PCDH7: variants seen among roughly 807,000 people sequenced by gnomAD.
PCDH7 encodes the protein protocadherin-7.
A neutral mutation model predicts 58.9 loss-of-function variants in PCDH7; 17 were observed. The ratio of observed to expected loss-of-function variants is 0.29; its 90% CI spans 0.20 to 0.43. The LOEUF (loss-of-function observed/expected upper bound fraction) is 0.43. Ranked by LOEUF, PCDH7 falls within the 20% of genes least tolerant of loss-of-function variation. The probability of loss-of-function intolerance (pLI) is 1.00; values close to 1 mark genes in which losing one functional copy is unlikely to be tolerated. For synonymous variants in PCDH7, 664 were observed against 616.4 expected, an observed-to-expected ratio of 1.08 and a Z score of -1.14; for missense variants, 1,274 against 1,441.0, an observed-to-expected ratio of 0.88 and a Z score of 1.88.
chr4:30,724,040 T>C, exon 1 of PCDH7: 1 of 1,614,026 alleles, frequency 6.2e-7, no homozygotes, highest in Non-Finnish European at 8.5e-7. Flanking sequence ...AGCTATGAAA[T>C]TAGCAAACAG....
intron 3 of PCDH7, among the ~76,000 whole-genome samples, chr4:31,023,640 C>T (rs754011054): frequency 5.3e-5 from 8 of 152,098 alleles, no homozygotes; most frequent in Non-Finnish European, 7.4e-5. Context: ...CTATTCATTT[C>T]GCTGCTCTCC....
intron 1 of PCDH7, among the ~76,000 whole-genome samples, chr4:30,847,584 C>T (rs78165729): frequency 2.6e-5 from 4 of 152,068 alleles, no homozygotes; most frequent in Non-Finnish European, 5.9e-5. Context: ...ACCAAGTGAA[C>T]ATGGAATTTT....
chr4:30,840,914 A>G (rs183988593), intron 1 of PCDH7, among the ~76,000 whole-genome samples: 7 of 152,120 alleles, frequency 4.6e-5, no homozygotes, highest in Admixed American at 3.9e-4. Flanking sequence ...TGCAAAACCA[A>G]GAGTTTGCTT....
intron 1 of PCDH7, among the ~76,000 whole-genome samples, chr4:30,769,434 A>G (rs1191297588): frequency 1.3e-5 from 2 of 152,174 alleles, no homozygotes; most frequent in African/African-American, 2.4e-5. Flanking sequence ...TGGCATGCAT[A>G]TATTTATCCG....
In PCDH7 at chr4:30,789,161, C is replaced by G. The variant is rs114496911; in HGVS notation, c.70+64565C>G. 7.1e-3 allele frequency among the ~76,000 whole-genome samples: 1,085 copies of G among 152,212 alleles called. 13 individuals are homozygous for G. Among genetic ancestry groups the G allele is most frequent in the African/African-American group, 0.025 (1,039 of 41,546 alleles). ...CCCCCCCTAAGTTAATTGAAGCAAG[C>G]AGTACCCAAGTACAAAATCACTCAA... On this transcript the variant is annotated intron_variant, in intron 1 of 3. Transcript: ENST00000509759.
intron 3 of PCDH7, among the ~76,000 whole-genome samples, chr4:31,069,454 C>A (rs1758360708): frequency 6.6e-6 from 1 of 151,768 alleles, no homozygotes; most frequent in African/African-American, 2.4e-5. Flanking sequence ...TTTTTTTAAA[C>A]CAAAAAATTA....
At chr4:30,821,939 A>T (rs1577935720) in intron 1 of PCDH7, among the ~76,000 whole-genome samples, 1 of 152,170 alleles carries the variant, frequency 6.6e-6, no homozygotes, top group Non-Finnish European at 1.5e-5. Flanking sequence ...GAACCTTCTG[A>T]GCTATGTTCC....
At chr4:30,780,201 T>C (rs1251914459) in intron 1 of PCDH7, among the ~76,000 whole-genome samples, 1 of 151,988 alleles carries the variant, frequency 6.6e-6, no homozygotes, top group Non-Finnish European at 1.5e-5. Context: ...AGAAAGGGTG[T>C]TTCTTTAAAA....
In PCDH7 at chr4:30,909,795, T is replaced by G. The variant is rs141598036; in HGVS notation, c.71-10358T>G. On this transcript the variant is annotated intron_variant, in intron 1 of 3. Coordinates refer to the PCDH7 transcript ENST00000509759. ...AATGCTATTCCCATCAAGCTACCAT[T>G]GACTTTCTTCACAGCATTAGAAAAA... Among the ~76,000 whole-genome samples the G allele has an allele frequency of 4.4e-4, 67 of 152,318 alleles. No individual in the cohort carries two copies. The East Asian group carries it at 0.011, about 25-fold the overall frequency.
intron 1 of PCDH7, among the ~76,000 whole-genome samples, chr4:30,851,685 C>T (rs779257830): frequency 7.9e-5 from 12 of 152,042 alleles, no homozygotes; most frequent in Non-Finnish European, 1.8e-4. Context: ...TCTACCTTCT[C>T]TTCATCCTAA....
rs558239821 is a variant in PCDH7 at position 30,755,829 on chromosome 4, C to G, written c.70+31233C>G. Among the ~76,000 whole-genome samples, 3 of 152,076 alleles carry G rather than the reference C, an allele frequency of 2.0e-5. No homozygotes were observed. The East Asian group carries it at 5.8e-4, about 30-fold the overall frequency. ...GGTGCGGTGGCTCACACCTGTAATCCCAGCACTTTGGGAGGCTGAGGAAGG... is the reference window on the plus strand; with the variant it reads ...GGTGCGGTGGCTCACACCTGTAATCGCAGCACTTTGGGAGGCTGAGGAAGG... On this transcript the variant is annotated intron_variant, in intron 1 of 3. Transcript: ENST00000509759.
At chr4:31,086,994 G>A (rs1296671443) in intron 3 of PCDH7, among the ~76,000 whole-genome samples, 1 of 152,110 alleles carries the variant, frequency 6.6e-6, no homozygotes, top group African/African-American at 2.4e-5. Flanking sequence ...CAAACAGCAG[G>A]GACAGAAGCC....
At chr4:31,085,794 G>C (rs1320810591) in intron 3 of PCDH7, among the ~76,000 whole-genome samples, 1 of 151,056 alleles carries the variant, frequency 6.6e-6, no homozygotes, top group Non-Finnish European at 1.5e-5. Flanking sequence ...TCATTATAAA[G>C]TCAAAAATAT....
At chr4:31,057,343 C>A (rs1757342782) in intron 3 of PCDH7, among the ~76,000 whole-genome samples, 1 of 152,154 alleles carries the variant, frequency 6.6e-6, no homozygotes. Flanking sequence ...AAAGCACAGT[C>A]TCTGAAATAG....
chr4:31,095,932 G>T (rs1369967954), intron 3 of PCDH7, among the ~76,000 whole-genome samples: 1 of 152,112 alleles, frequency 6.6e-6, no homozygotes, highest in African/African-American at 2.4e-5. Flanking sequence ...ATTATAAATT[G>T]TTACCTATGT....
chr4:30,900,159 A>C (rs566611757), intron 1 of PCDH7, among the ~76,000 whole-genome samples: 1 of 152,194 alleles, frequency 6.6e-6, no homozygotes, highest in Non-Finnish European at 1.5e-5. Context: ...CTGTGATGTA[A>C]GTATTCCCAT....
chr4:31,103,947 G>A (rs145138404), intron 3 of PCDH7, among the ~76,000 whole-genome samples: 10 of 152,150 alleles, frequency 6.6e-5, no homozygotes, highest in African/African-American at 1.4e-4. Flanking sequence ...CCCCAAATAC[G>A]TGATACGGTT....
chr4:31,099,647 T>A (rs570652474), intron 3 of PCDH7, among the ~76,000 whole-genome samples: 1 of 152,288 alleles, frequency 6.6e-6, no homozygotes, highest in East Asian at 1.9e-4. Context: ...AGAAGGAGAA[T>A]ACTATTTTCC....
chr4:30,789,018 C>T (rs943887201), intron 1 of PCDH7, among the ~76,000 whole-genome samples: 2 of 152,028 alleles, frequency 1.3e-5, no homozygotes, highest in Non-Finnish European at 2.9e-5. Context: ...CTTAAATTGA[C>T]CTCAAGCGCA....
Sources: gnomAD v4.1 joint callset for allele counts (sites outside exome capture counted in the v4.1 genomes callset) on GRCh38, gnomAD v4.1.1 for gene constraint, MANE v1.5 for transcripts, NCBI Gene and HGNC (gene_info 2026-07-23, HGNC 2026-07-21) for gene names.